The following ZNF804A variants were observed in gnomAD, a reference collection of about 807,000 sequenced individuals.
ZNF804A encodes the protein zinc finger protein 804A.
Under a neutral mutation model 16.5 loss-of-function variants are expected in ZNF804A, and 2 were observed. The observed-to-expected ratio is 0.12, with a 90% CI of 0.05 to 0.38. The LOEUF is 0.38. ZNF804A is among the 10% of genes least tolerant of loss of function. The pLI is 0.99. For synonymous variants in ZNF804A, 534 were observed against 489.6 expected, an observed-to-expected ratio of 1.09 and a Z score of -1.20; for missense variants, 1,473 against 1,390.7, an observed-to-expected ratio of 1.06 and a Z score of -0.94.
chr2:184,823,622 G>C (rs184945727), intron 1 of ZNF804A, among the ~76,000 whole-genome samples: 2 of 151,972 alleles, frequency 1.3e-5, no homozygotes, highest in African/African-American at 4.8e-5. Context: ...TGTGATATAC[G>C]TATTTTTTTA....
intron 1 of ZNF804A, among the ~76,000 whole-genome samples, chr2:184,705,566 C>A (rs970962784): frequency 6.6e-6 from 1 of 151,972 alleles, no homozygotes; most frequent in Non-Finnish European, 1.5e-5. Context: ...TTGTAGTAAC[C>A]CAAGGGGTTA....
intron 1 of ZNF804A, among the ~76,000 whole-genome samples, chr2:184,812,009 T>C (rs1694909504): frequency 6.6e-6 from 1 of 152,202 alleles, no homozygotes; most frequent in Non-Finnish European, 1.5e-5. Flanking sequence ...TATTGTAGTT[T>C]GAGTTGTATG....
intron 2 of ZNF804A, among the ~76,000 whole-genome samples, chr2:184,870,401 G>A (rs532359717): frequency 4.2e-4 from 64 of 152,126 alleles, no homozygotes; most frequent in African/African-American, 1.5e-3. Flanking sequence ...AGTGGTATCA[G>A]AGATATTCAA....
chr2:184,847,989 G>A (rs1024939517), intron 1 of ZNF804A, among the ~76,000 whole-genome samples: 1 of 151,992 alleles, frequency 6.6e-6, no homozygotes, highest in Non-Finnish European at 1.5e-5. Context: ...CAGCACCTCT[G>A]TTTTCCATAG....
At chr2:184,633,061 CT>C (rs376812459) in intron 1 of ZNF804A, among the ~76,000 whole-genome samples, 1 of 152,134 alleles carries the variant, frequency 6.6e-6, no homozygotes, top group African/African-American at 2.4e-5. Flanking sequence ...CCCACCCTTT[CT>C]TTTTTATAAA....
At chr2:184,652,101 C>A (rs751283689) in intron 1 of ZNF804A, among the ~76,000 whole-genome samples, 8 of 152,080 alleles carry the variant, frequency 5.3e-5, no homozygotes, top group Non-Finnish European at 5.9e-5. Context: ...GACTATGATG[C>A]AGCATAAAAA....
intron 1 of ZNF804A, among the ~76,000 whole-genome samples, chr2:184,818,453 A>C (rs914692041): frequency 6.6e-6 from 1 of 151,900 alleles, no homozygotes; most frequent in Non-Finnish European, 1.5e-5. Flanking sequence ...ACTAAAAAAA[A>C]TACTGTAATC....
At chr2:184,654,543 C>A (rs1692044233) in intron 1 of ZNF804A, among the ~76,000 whole-genome samples, 1 of 152,084 alleles carries the variant, frequency 6.6e-6, no homozygotes, top group Non-Finnish European at 1.5e-5. Flanking sequence ...TTCAATGTCT[C>A]AGTGCCCCCT....
chr2:184,830,283 A>C (rs949909975), intron 1 of ZNF804A, among the ~76,000 whole-genome samples: 2 of 152,258 alleles, frequency 1.3e-5, no homozygotes, highest in South Asian at 4.1e-4. Context: ...TGTCTATTAA[A>C]TGGACAGAAA....
At chr2:184,620,108 A>G (rs1315706917) in intron 1 of ZNF804A, among the ~76,000 whole-genome samples, 1 of 151,814 alleles carries the variant, frequency 6.6e-6, no homozygotes, top group East Asian at 1.9e-4. Context: ...TTAAAAATAT[A>G]AACTATTAAA....
chr2:184,823,961 C>T (rs1695123059), intron 1 of ZNF804A, among the ~76,000 whole-genome samples: 1 of 152,096 alleles, frequency 6.6e-6, no homozygotes, highest in South Asian at 2.1e-4. Context: ...GTAAGCTTTA[C>T]AAGCAAATAT....
chr2:184,929,419 A>T (rs1279417464), intron 2 of ZNF804A, among the ~76,000 whole-genome samples: 2 of 152,124 alleles, frequency 1.3e-5, no homozygotes, highest in African/African-American at 4.8e-5. Context: ...TTACCAATGA[A>T]ATTTAAAACC....
At chr2:184,920,621 A>G (rs1000214273) in intron 2 of ZNF804A, among the ~76,000 whole-genome samples, 3 of 152,116 alleles carry the variant, frequency 2.0e-5, no homozygotes, top group African/African-American at 7.2e-5. Flanking sequence ...CACTCCATTG[A>G]CTAGGTTGCT....
intron 1 of ZNF804A, among the ~76,000 whole-genome samples, chr2:184,852,551 CT>C: frequency 6.7e-6 from 1 of 149,764 alleles, no homozygotes; most frequent in Non-Finnish European, 1.5e-5. Context: ...CTCCCACCGG[CT>C]TTTTTTGTTT....
rs1458793966 is a variant in ZNF804A at position 184,769,920 on chromosome 2, ATC to A, written c.112-96447_112-96446del. Reference sequence around the variant, plus strand: ...TTGGGCTTGAAAGCACAAGTAAAACATCTGTTATTGCAAAACTAGAGAGATAA... The same window carrying A: ...TTGGGCTTGAAAGCACAAGTAAAACATGTTATTGCAAAACTAGAGAGATAA... On this transcript the variant is annotated intron_variant, in intron 1 of 3. Transcript: ENST00000302277. Among the ~76,000 whole-genome samples, 7 of 152,090 alleles carry A rather than the reference ATC, an allele frequency of 4.6e-5. 1 individual carries two copies. The highest frequency in any genetic ancestry group is 1.0e-4 in the Non-Finnish European group (7 of 68,024).
intron 1 of ZNF804A, among the ~76,000 whole-genome samples, chr2:184,690,483 G>A (rs1468411857): frequency 6.6e-6 from 1 of 151,994 alleles, no homozygotes; most frequent in African/African-American, 2.4e-5. Flanking sequence ...ACAGCCTGTT[G>A]AATTGAGATA....
intron 1 of ZNF804A, among the ~76,000 whole-genome samples, chr2:184,745,058 C>T (rs1190485752): frequency 2.6e-5 from 4 of 151,746 alleles, no homozygotes; most frequent in African/African-American, 4.8e-5. Flanking sequence ...CACTGTTGCT[C>T]TAAGGATTGA....
intron 1 of ZNF804A, among the ~76,000 whole-genome samples, chr2:184,737,563 C>A (rs1369790017): frequency 6.6e-6 from 1 of 151,982 alleles, no homozygotes; most frequent in Admixed American, 6.6e-5. Context: ...TCTCTCTAAA[C>A]TAAAAAATAA....
intron 1 of ZNF804A, among the ~76,000 whole-genome samples, chr2:184,658,349 G>A (rs1013408420): frequency 1.3e-5 from 2 of 152,100 alleles, no homozygotes; most frequent in African/African-American, 4.8e-5. Flanking sequence ...GGTGGCAGAC[G>A]CCTGTAGTCC....
Sources: gnomAD v4.1 joint callset for allele counts (sites outside exome capture counted in the v4.1 genomes callset) on GRCh38, gnomAD v4.1.1 for gene constraint, MANE v1.5 for transcripts, NCBI Gene and HGNC (gene_info 2026-07-23, HGNC 2026-07-21) for gene names.